Variants in SHANK2 observed in about 807,000 individuals in gnomAD.
SHANK2 encodes the protein SH3 and multiple ankyrin repeat domains 2, also known as SH3 and multiple ankyrin repeat domains protein 2.
A neutral mutation model predicts 133.7 loss-of-function variants in SHANK2; 43 were observed. The observed-to-expected ratio is 0.32, with a 90% CI of 0.25 to 0.41. The LOEUF (loss-of-function observed/expected upper bound fraction) is 0.41, where lower values mean the gene tolerates loss of function less well. Among genes scored for constraint, SHANK2 ranks in the 10% least tolerant of loss-of-function variants. The pLI, the probability that SHANK2 is intolerant of heterozygous loss-of-function variation, is 1.00. For missense variants in SHANK2, 1,994 were observed against 2,235.8 expected, an observed-to-expected ratio of 0.89 and a Z score of 2.18; for synonymous variants, 1,017 against 952.8, an observed-to-expected ratio of 1.07 and a Z score of -1.24.
chr11:71,070,179 G>A (rs1224313502), intron 9 of SHANK2, among the ~76,000 whole-genome samples: 1 of 152,188 alleles, frequency 6.6e-6, no homozygotes, highest in African/African-American at 2.4e-5. Context: ...CACGAGATGT[G>A]GTTTGGACCA....
intron 10 of SHANK2, among the ~76,000 whole-genome samples, chr11:70,910,515 T>C (rs1346065003): frequency 2.0e-5 from 3 of 151,870 alleles, no homozygotes; most frequent in Non-Finnish European, 4.4e-5. Context: ...ACCGAAAAAG[T>C]TGAAAGAATA....
At chr11:70,757,044 C>T (rs1287716569) in intron 14 of SHANK2, among the ~76,000 whole-genome samples, 2 of 152,262 alleles carry the variant, frequency 1.3e-5, no homozygotes, top group East Asian at 1.9e-4. Flanking sequence ...GGAGGGGAGC[C>T]GTGTGAAGGT....
intron 10 of SHANK2, among the ~76,000 whole-genome samples, chr11:70,903,835 C>A (rs533565733): frequency 7.9e-4 from 121 of 152,316 alleles, no homozygotes; most frequent in African/African-American, 2.8e-3. Context: ...AGATGCAAAG[C>A]CCCGCAAAGC....
intron 6 of SHANK2, among the ~76,000 whole-genome samples, chr11:71,096,072 C>T (rs1951606658): frequency 1.3e-5 from 2 of 149,744 alleles, no homozygotes; most frequent in African/African-American, 4.9e-5. Context: ...CCTGTCTTCC[C>T]CAACTAGGAT....
intron 17 of SHANK2, among the ~76,000 whole-genome samples, chr11:70,621,663 C>T (rs1046863692): frequency 6.6e-6 from 1 of 152,142 alleles, no homozygotes; most frequent in African/African-American, 2.4e-5. Flanking sequence ...TACGGTAGCC[C>T]CAGCCATGCG....
intron 8 of SHANK2, among the ~76,000 whole-genome samples, chr11:71,085,856 T>TATAA (rs1951392649): frequency 0.052 from 3 of 58 alleles, no homozygotes; most frequent in African/African-American, 0.15. Context: ...ATATATATTG[T>TATAA]TATTTTAATA....
chr11:70,903,996 C>G (rs1449402235), intron 10 of SHANK2, among the ~76,000 whole-genome samples: 1 of 152,180 alleles, frequency 6.6e-6, no homozygotes, highest in Non-Finnish European at 1.5e-5. Context: ...CACAGACCCT[C>G]GACCTGGTGC....
chr11:70,527,530 G>A (rs1453601807), intron 17 of SHANK2, among the ~76,000 whole-genome samples: 2 of 152,200 alleles, frequency 1.3e-5, no homozygotes, highest in African/African-American at 4.8e-5. Context: ...TCACTCAGAA[G>A]GGCAGTTGCT....
intron 8 of SHANK2, among the ~76,000 whole-genome samples, chr11:71,079,196 G>A (rs889414940): frequency 2.0e-5 from 3 of 152,188 alleles, no homozygotes; most frequent in Non-Finnish European, 4.4e-5. Flanking sequence ...ATCCCATCAC[G>A]AGCAAACACT....
chr11:71,209,671 T>C (rs538674938), intron 2 of SHANK2, among the ~76,000 whole-genome samples: 93 of 152,268 alleles, frequency 6.1e-4, no homozygotes, highest in African/African-American at 2.1e-3. Flanking sequence ...CCTGTGTTGG[T>C]GTCAATGTGC....
At chr11:70,568,493 G>A (rs1554982385) in intron 17 of SHANK2, among the ~76,000 whole-genome samples, 1 of 152,092 alleles carries the variant, frequency 6.6e-6, no homozygotes, top group African/African-American at 2.4e-5. Flanking sequence ...TGCAATCCTC[G>A]GAGCTCCGTG....
At chr11:70,819,244 C>G (rs1177864727) in intron 12 of SHANK2, among the ~76,000 whole-genome samples, 1 of 152,240 alleles carries the variant, frequency 6.6e-6, no homozygotes, top group Admixed American at 6.5e-5. Context: ...GGGCCTGTGC[C>G]GAGTCCTGCC....
chr11:71,155,664 G>A (rs1268221075), intron 2 of SHANK2, among the ~76,000 whole-genome samples: 18 of 61,416 alleles, frequency 2.9e-4, no homozygotes, highest in South Asian at 5.4e-4. Flanking sequence ...CCCCAAACCC[G>A]CCCTGCCCCA....
chr11:70,947,154 C>CAT (rs1408627062), intron 10 of SHANK2, among the ~76,000 whole-genome samples: 1 of 126,908 alleles, frequency 7.9e-6, no homozygotes, highest in Non-Finnish European at 1.9e-5. Context: ...CACACACACA[C>CAT]ACACACACAC....
At chr11:70,782,574 GA>G (rs1373956307) in intron 14 of SHANK2, among the ~76,000 whole-genome samples, 4 of 152,100 alleles carry the variant, frequency 2.6e-5, no homozygotes, top group Non-Finnish European at 4.4e-5. Flanking sequence ...CCAGCCCCCA[GA>G]AAAAAAAGGC....
At chr11:70,821,418 G>A (rs1948519365) in intron 11 of SHANK2, among the ~76,000 whole-genome samples, 2 of 152,068 alleles carry the variant, frequency 1.3e-5, no homozygotes, top group African/African-American at 4.8e-5. Flanking sequence ...ATATCTGGTT[G>A]TTTTGTTGTT....
chr11:70,691,323 G>A (rs782305462), intron 15 of SHANK2, among the ~76,000 whole-genome samples: 3 of 152,126 alleles, frequency 2.0e-5, no homozygotes, highest in Non-Finnish European at 4.4e-5. Context: ...AGGGAGAAAG[G>A]CAAGGGAGAA....
At chr11:70,916,740 G>A (rs1235128145) in intron 10 of SHANK2, among the ~76,000 whole-genome samples, 1 of 152,100 alleles carries the variant, frequency 6.6e-6, no homozygotes, top group Non-Finnish European at 1.5e-5. Context: ...GTGACTCCAG[G>A]GTCTCTATCC....
intron 14 of SHANK2, among the ~76,000 whole-genome samples, chr11:70,777,256 T>TACCCATCCATCCATCCACTC (rs1947385596): frequency 1.4e-5 from 2 of 147,366 alleles, no homozygotes; most frequent in Admixed American, 1.3e-4. Context: ...TTCATCCACT[T>TACCCATCCATCCATCCACTC]ATCCATCCAT....
Sources: gnomAD v4.1 joint callset for allele counts (sites outside exome capture counted in the v4.1 genomes callset) on GRCh38, gnomAD v4.1.1 for gene constraint, MANE v1.5 for transcripts, NCBI Gene and HGNC (gene_info 2026-07-23, HGNC 2026-07-21) for gene names.